Variants in UBE3B observed in about 807,000 individuals in gnomAD.
UBE3B encodes ubiquitin protein ligase E3B, also known as ubiquitin-protein ligase E3B.
A neutral mutation model predicts 132.3 loss-of-function variants in UBE3B; 80 were observed. The observed-to-expected ratio is 0.60, with a 90% CI of 0.50 to 0.73. The LOEUF (loss-of-function observed/expected upper bound fraction) is 0.73, where lower values mean the gene tolerates loss of function less well. Among genes scored for constraint, UBE3B ranks in the 30% least tolerant of loss-of-function variants. UBE3B has a pLI of 0.00. For missense variants in UBE3B, 1,196 were observed against 1,362.5 expected, an observed-to-expected ratio of 0.88 and a Z score of 1.92; for synonymous variants, 487 against 520.4, an observed-to-expected ratio of 0.94 and a Z score of 0.87.
chr12:109,492,677 A>G (rs1302455819), intron 9 of UBE3B: 2 of 151,854 alleles, frequency 1.3e-5, no homozygotes, highest in Admixed American at 6.6e-5. Flanking sequence ...AGGGAAGTCA[A>G]GGCTGCAGCG....
At chr12:109,524,985 T>C (rs1882160485) in intron 23 of UBE3B, among the ~76,000 whole-genome samples, 2 of 152,008 alleles carry the variant, frequency 1.3e-5, no homozygotes, top group Admixed American at 6.6e-5. Flanking sequence ...TGTAGCAGCC[T>C]CCGCGCCCTT....
rs908548988 is a variant in UBE3B at position 109,534,465 on chromosome 12, C to T, written c.3016-126C>T. 41 of 1,449,440 alleles carry T rather than the reference C, an allele frequency of 2.8e-5. No homozygotes were observed. Among genetic ancestry groups the T allele is most frequent in the African/African-American group, 8.7e-5 (6 of 69,112 alleles). The allele number at this position is 1,449,440 out of a possible 1,614,324, so 89.8% of individuals were successfully genotyped here. ...ACCTCGGGTAGTGGTGCCAGGGCAG[C>T]GCCCTGCACTCTGCCCAGCATCCAG... On this transcript the variant is annotated intron_variant, in intron 27 of 27. Coordinates refer to ENST00000342494, the MANE Select transcript of UBE3B (RefSeq NM_130466.4). This position sits in a 1 kb window ranked among gnomAD's most constrained non-coding sequence, Gnocchi z 5.2.
At chr12:109,530,440 C>A in intron 25 of UBE3B, 107 bp from the exon 26 acceptor site, 1 of 884,636 alleles carries the variant, frequency 1.1e-6, no homozygotes, top group Non-Finnish European at 1.8e-6. Flanking sequence ...AGTAGTGTTC[C>A]CCAGGCCTGC....
chr12:109,513,631 G>A (rs1469645513), intron 18 of UBE3B, among the ~76,000 whole-genome samples: 1 of 152,086 alleles, frequency 6.6e-6, no homozygotes, highest in African/African-American at 2.4e-5. Context: ...AGAAAGTCAG[G>A]GAACCGCTGA....
At position 109,521,033 on chromosome 12, in the gene UBE3B, T is replaced by C; in HGVS notation, c.2077-115T>C. The stretch of plus-strand genomic sequence containing the variant: ...GCTCCTGTCATGCATCCACGTTTCA[T>C]AATTTGCACATTTGGTAATGATGCT... On this transcript the variant is annotated intron_variant, in intron 19 of 27. Coordinates refer to ENST00000342494, the MANE Select transcript of UBE3B (RefSeq NM_130466.4). The surrounding 1 kb of genome is among the most constrained non-coding windows in gnomAD (Gnocchi z 4.2). 1.6e-6 allele frequency: 2 copies of C among 1,239,152 alleles called. No homozygotes were observed. The highest frequency in any genetic ancestry group is 2.3e-6 in the Non-Finnish European group (2 of 887,694). 76.8% of individuals were successfully genotyped at this position (1,239,152 alleles called of 1,614,324 possible).
At chr12:109,528,239 T>G in intron 24 of UBE3B, 1 of 718,802 alleles carries the variant, frequency 1.4e-6, no homozygotes, top group South Asian at 6.3e-5. Context: ...TTATGAGTGT[T>G]GGATGTTTCC....
the UBE3B span, among the ~76,000 whole-genome samples, chr12:109,546,688 C>T: frequency 6.6e-6 from 1 of 152,208 alleles, no homozygotes; most frequent in African/African-American, 2.4e-5. Context: ...GTGTGCACAG[C>T]CTGTTCTAGG....
At position 109,507,695 on chromosome 12, in the gene UBE3B, A is replaced by G; in HGVS notation, c.1582A>G (p.Met528Val). The G allele has an allele frequency of 1.2e-6, 2 of 1,614,184 alleles. No homozygotes were observed. The highest frequency in any genetic ancestry group is 1.7e-6 in the Non-Finnish European group (2 of 1,180,028). ...TGAAGAGTCCAAGCAACTCTTGGCC[A>G]TGCTGATGCTGTTCTGTGACTGTTC... ...DTEESKQLLA[M>V]LMLFCDCSRH... The change falls in exon 15 of 28, where the codon ATG (methionine) becomes GTG (valine). Residue 528 changes from methionine (M) to valine (V), a missense_variant. By Grantham distance (21) the Met-to-Val change is conservative. Coordinates refer to ENST00000342494, the MANE Select transcript of UBE3B (RefSeq NM_130466.4).
intron 13 of UBE3B, among the ~76,000 whole-genome samples, chr12:109,502,408 T>C (rs1176249581): frequency 6.6e-6 from 1 of 152,178 alleles, no homozygotes; most frequent in African/African-American, 2.4e-5. Flanking sequence ...TTAAAAGTTA[T>C]GGAAAGGCCA....
chr12:109,490,086 A>T lies in UBE3B; in HGVS notation c.630+82A>T, dbSNP rs140255043. 6.6e-5 allele frequency: 90 copies of T among 1,360,154 alleles called. 1 individual carries two copies. In the East Asian group the frequency reaches 2.1e-3, roughly 31 times the overall value. The allele number at this position is 1,360,154 out of a possible 1,614,324, so 84.3% of individuals were successfully genotyped here. A position where few individuals can be genotyped will look rare whatever the true frequency, so the allele number is the denominator to read the frequency against. On this transcript the variant is annotated intron_variant, in intron 8 of 27. Coordinates refer to ENST00000342494, the MANE Select transcript of UBE3B (RefSeq NM_130466.4). ...GGATTTTTACATTTGCATTCAGCAT[A>T]CCTGGTGTCCTCCTCAGAAACACTT...
chr12:109,533,329 G>C (rs1415145157), intron 26 of UBE3B, 137 bp from the exon 27 acceptor site: 11 of 812,838 alleles, frequency 1.4e-5, no homozygotes, highest in Non-Finnish European at 2.1e-5. Context: ...GATCCACCCC[G>C]CCACTCCATA....
intron 17 of UBE3B, among the ~76,000 whole-genome samples, chr12:109,510,792 T>C: frequency 6.6e-6 from 1 of 152,224 alleles, no homozygotes; most frequent in East Asian, 1.9e-4. Flanking sequence ...TTAGCAGAAT[T>C]ACTAGAGTAA....
chr12:109,507,336 G>A (rs984148871), intron 14 of UBE3B, among the ~76,000 whole-genome samples: 1 of 152,210 alleles, frequency 6.6e-6, no homozygotes, highest in African/African-American at 2.4e-5. Flanking sequence ...CAATACATAC[G>A]GAGTGCTTAG....
chr12:109,545,919 T>C, the UBE3B span, among the ~76,000 whole-genome samples: 1 of 152,002 alleles, frequency 6.6e-6, no homozygotes, highest in South Asian at 2.1e-4. Flanking sequence ...CAGGGTGTGC[T>C]GAGTAAAGGG....
At position 109,522,453 on chromosome 12, in the gene UBE3B, G is replaced by A. The variant is rs951297097; in HGVS notation, c.2364+902G>A. ...CAGCACAAGCCCAGCCAGTCTGTGT[G>A]GCCTTCGCAGTGGGCTCCAGAGCTG... is the stretch of plus-strand genomic sequence containing the variant. On this transcript the variant is annotated intron_variant, in intron 21 of 27. Transcript: ENST00000342494. This position sits in a 1 kb window ranked among gnomAD's most constrained non-coding sequence, Gnocchi z 4.2. Among the ~76,000 whole-genome samples, 2 of 152,228 alleles carry A rather than the reference G, an allele frequency of 1.3e-5. No homozygotes were observed. The highest frequency in any genetic ancestry group is 4.8e-5 in the African/African-American group (2 of 41,462).
chr12:109,509,109 G>A (rs910230017), intron 15 of UBE3B: 9 of 152,168 alleles, frequency 5.9e-5, no homozygotes, highest in Admixed American at 2.6e-4. Flanking sequence ...AAAGTAGAAA[G>A]GATAATATAA....
intron 8 of UBE3B, chr12:109,490,490 T>C (rs2135837871): frequency 6.5e-7 from 1 of 1,535,962 alleles, no homozygotes; most frequent in East Asian, 2.4e-5. Flanking sequence ...TTCTCCCTAG[T>C]GCTGTGATGG....
At chr12:109,527,384 C>G (rs1228541154) in intron 24 of UBE3B, among the ~76,000 whole-genome samples, 1 of 152,180 alleles carries the variant, frequency 6.6e-6, no homozygotes, top group African/African-American at 2.4e-5. Flanking sequence ...ATCAATCTCC[C>G]GCCGCCAGGC....
chr12:109,530,673 A>G lies in UBE3B; in HGVS notation c.2922+15A>G, dbSNP rs1882848619. 1 of 1,608,048 alleles carries G rather than the reference A, an allele frequency of 6.2e-7. No homozygotes were observed. The highest frequency in any genetic ancestry group is 8.5e-7 in the Non-Finnish European group (1 of 1,174,538). On this transcript the variant is annotated intron_variant, in intron 26 of 27. Transcript: ENST00000342494. ...TGTTTCTGAAGGTATTTTATTTATT[A>G]CCTATGCATGCATGCATGTATTCTC...
Sources: gnomAD v4.1 joint callset for allele counts (sites outside exome capture counted in the v4.1 genomes callset) on GRCh38, gnomAD v4.1.1 for gene constraint, Gnocchi (gnomAD v3.1) non-coding constraint, MANE v1.5 for transcripts, NCBI Gene and HGNC (gene_info 2026-07-23, HGNC 2026-07-21) for gene names.